The following ZW10 variants were observed in gnomAD, a reference collection of about 807,000 sequenced individuals.
ZW10 encodes zw10 kinetochore protein, also known as centromere/kinetochore protein zw10 homolog.
In ZW10, 53 loss-of-function variants were observed where a neutral mutation model predicts 87.8. The observed-to-expected ratio is 0.60, with a 90% CI of 0.48 to 0.76. ZW10 has a LOEUF of 0.76. ZW10 is among the 30% of genes least tolerant of loss of function. The pLI is 0.00. For synonymous variants in ZW10, 312 were observed against 329.2 expected, an observed-to-expected ratio of 0.95 and a Z score of 0.57; for missense variants, 837 against 923.0, an observed-to-expected ratio of 0.91 and a Z score of 1.21.
chr11:113,757,603 A>G (rs922318932), intron 7 of ZW10, 59 bp downstream of exon 7: 2 of 1,204,152 alleles, frequency 1.7e-6, no homozygotes, highest in African/African-American at 3.1e-5. Context: ...AATAATATTT[A>G]CTTTTATAAA....
chr11:113,757,539 A>G (rs1290254306), intron 7 of ZW10, 123 bp downstream of exon 7: 3 of 801,652 alleles, frequency 3.7e-6, no homozygotes, highest in Non-Finnish European at 5.2e-6. Context: ...CTATGGCACA[A>G]TTTACTTACT....
intron 1 of ZW10, chr11:113,769,723 A>G: frequency 2.5e-6 from 1 of 408,138 alleles, no homozygotes; most frequent in Non-Finnish European, 4.7e-6. Flanking sequence ...AGAGGCCTAT[A>G]GCCCATAAGG....
intron 6 of ZW10, 31 bp from the exon 7 acceptor site, chr11:113,757,884 A>G (rs768330962): frequency 6.4e-7 from 1 of 1,555,332 alleles, no homozygotes; most frequent in Non-Finnish European, 8.7e-7. Flanking sequence ...TCATCAAAAA[A>G]TCACCATAAG....
In ZW10 at chr11:113,748,477, T is replaced by G. The variant is rs573413758; in HGVS notation, c.926-57A>C. On this transcript the variant is annotated intron_variant, in intron 7 of 15. Coordinates refer to ENST00000200135, the MANE Select transcript of ZW10 (RefSeq NM_004724.4). ...AGAAACCATTCGCAGTCCTGGAATA[T>G]TCTTAGGTTTTCTAGAATTCTTTAA... The G allele has an allele frequency of 3.3e-5, 46 of 1,410,520 alleles. No homozygotes were observed. The African/African-American group carries it at 5.9e-4, about 18-fold the overall frequency. The allele number at this position is 1,410,520 out of a possible 1,614,324, so 87.4% of individuals were successfully genotyped here. A position where few individuals can be genotyped will look rare whatever the true frequency, so the allele number is the denominator to read the frequency against.
intron 10 of ZW10, among the ~76,000 whole-genome samples, chr11:113,742,923 T>C (rs1010417906): frequency 6.6e-5 from 10 of 152,214 alleles, no homozygotes; most frequent in African/African-American, 2.4e-4. Context: ...AAAGATGCAA[T>C]TTGATTGGGC....
chr11:113,752,569 C>A (rs538664546), intron 7 of ZW10, among the ~76,000 whole-genome samples: 1 of 152,312 alleles, frequency 6.6e-6, no homozygotes, highest in Non-Finnish European at 1.5e-5. Flanking sequence ...TTTGGCAATT[C>A]TCAGAGTATT....
At chr11:113,771,927 G>C (rs1953972192) in intron 1 of ZW10, among the ~76,000 whole-genome samples, 1 of 152,098 alleles carries the variant, frequency 6.6e-6, no homozygotes, top group African/African-American at 2.4e-5. Flanking sequence ...ACGTAGTAAA[G>C]ATACTATATA....
chr11:113,737,420 A>G (rs905492114), intron 14 of ZW10, 152 bp downstream of exon 14: 2 of 770,004 alleles, frequency 2.6e-6, no homozygotes, highest in Non-Finnish European at 4.0e-6. Context: ...AGTTTCTAGC[A>G]AAACAGATAT....
At chr11:113,771,079 G>A (rs1278120458) in intron 1 of ZW10, among the ~76,000 whole-genome samples, 3 of 150,488 alleles carry the variant, frequency 2.0e-5, no homozygotes, top group African/African-American at 7.3e-5. Context: ...GGGTTCAAGC[G>A]ATTCTTCTGC....
At chr11:113,754,399 C>T (rs1034995400) in intron 7 of ZW10, among the ~76,000 whole-genome samples, 12 of 152,024 alleles carry the variant, frequency 7.9e-5, no homozygotes, top group Admixed American at 2.6e-4. Context: ...GCACGAGAAT[C>T]GCTTGAACCC....
At chr11:113,741,062 T>A (rs1301805128) in intron 11 of ZW10, among the ~76,000 whole-genome samples, 5 of 152,026 alleles carry the variant, frequency 3.3e-5, no homozygotes, top group Admixed American at 6.5e-5. Context: ...GTGAGCCTAG[T>A]TAAAAACATC....
chr11:113,737,279 T>C (rs1395716880), intron 14 of ZW10, among the ~76,000 whole-genome samples: 3 of 152,200 alleles, frequency 2.0e-5, no homozygotes, highest in Admixed American at 6.5e-5. Flanking sequence ...TGAGTTTACT[T>C]GCAAATTAAA....
intron 7 of ZW10, among the ~76,000 whole-genome samples, chr11:113,757,298 T>C (rs932502992): frequency 1.6e-4 from 24 of 152,250 alleles, no homozygotes; most frequent in African/African-American, 5.5e-4. Context: ...GAGGTTTTAA[T>C]GGAAATATGT....
At position 113,741,912 on chromosome 11, in the gene ZW10, T is replaced by C. The variant is rs148789343; in HGVS notation, c.1512-147A>G. ...CTGCCTTGGTTGCTGGAAAACACCA[T>C]TAATCTAGATGGAAATATAGTCTCA... On this transcript the variant is annotated intron_variant, in intron 10 of 15. Coordinates refer to ENST00000200135, the MANE Select transcript of ZW10 (RefSeq NM_004724.4). 561 of 551,870 alleles carry C rather than the reference T, an allele frequency of 1.0e-3. 4 individuals are homozygous for C. The highest frequency in any genetic ancestry group is 0.01 in the African/African-American group (522 of 52,008). The allele number at this position is 551,870 out of a possible 1,614,324, so 34.2% of individuals were successfully genotyped here. A position where few individuals can be genotyped will look rare whatever the true frequency, so the allele number is the denominator to read the frequency against.
intron 9 of ZW10, 77 bp downstream of exon 9, chr11:113,747,454 C>T: frequency 7.6e-7 from 1 of 1,312,722 alleles, no homozygotes; most frequent in Non-Finnish European, 1.0e-6. Context: ...CTCTCTTCCA[C>T]TTTACTATAT....
intron 1 of ZW10, chr11:113,771,536 G>T (rs1180523845): frequency 1.3e-5 from 2 of 152,212 alleles, no homozygotes; most frequent in Non-Finnish European, 2.9e-5. Context: ...ACGTGTAATT[G>T]TGTGTATGTA....
chr11:113,741,496 GATT>G (rs1354525019), intron 11 of ZW10, among the ~76,000 whole-genome samples, 195 bp downstream of exon 11: 8 of 152,184 alleles, frequency 5.3e-5, no homozygotes, highest in African/African-American at 1.9e-4. Context: ...TACACTGCAA[GATT>G]ATAATACCCT....
intron 12 of ZW10, among the ~76,000 whole-genome samples, chr11:113,738,623 G>A (rs1334703811): frequency 6.6e-6 from 1 of 152,070 alleles, no homozygotes; most frequent in Admixed American, 6.6e-5. Context: ...AGTTTGCTTA[G>A]AGCCCGAGTC....
At chr11:113,751,320 C>A in intron 7 of ZW10, 1 of 193,540 alleles carries the variant, frequency 5.2e-6, no homozygotes, top group East Asian at 1.3e-4. Context: ...ATAAAAAGGC[C>A]AAATACTTTT....
Sources: gnomAD v4.1 joint callset for allele counts (sites outside exome capture counted in the v4.1 genomes callset) on GRCh38, gnomAD v4.1.1 for gene constraint, MANE v1.5 for transcripts, NCBI Gene and HGNC (gene_info 2026-07-23, HGNC 2026-07-21) for gene names.